The following MYBL2 variants were observed in gnomAD, a reference collection of about 807,000 sequenced individuals.
MYBL2 encodes the protein MYB proto-oncogene like 2.
MYBL2 carries 28 observed loss-of-function variants against 79.9 expected under a neutral mutation model. That is an observed-to-expected ratio of 0.35 (90% confidence interval 0.26 to 0.48). The LOEUF is 0.48. Among genes scored for constraint, MYBL2 ranks in the 20% least tolerant of loss-of-function variants. MYBL2 has a pLI of 0.99. For missense variants in MYBL2, 735 were observed against 893.9 expected, an observed-to-expected ratio of 0.82 and a Z score of 2.27; for synonymous variants, 378 against 361.2, an observed-to-expected ratio of 1.05 and a Z score of -0.53.
chr20:43,697,187 G>T lies in MYBL2; in HGVS notation c.664-2570G>T, dbSNP rs183295232. Among the ~76,000 whole-genome samples, 646 of 151,968 alleles carry T rather than the reference G, an allele frequency of 4.3e-3. 6 individuals carry two copies. Among genetic ancestry groups the T allele is most frequent in the South Asian group, 0.013 (65 of 4,826 alleles). On this transcript the variant is annotated intron_variant, in intron 6 of 13. Coordinates refer to ENST00000217026, the MANE Select transcript of MYBL2 (RefSeq NM_002466.4). ...AGCCTTATTGTCAATACCGGCTATGGTTATATGAAAAAAAATCTTTGCCAG... is the reference window on the plus strand; with the variant it reads ...AGCCTTATTGTCAATACCGGCTATGTTTATATGAAAAAAAATCTTTGCCAG...
rs1001251369 is a variant in MYBL2 at position 43,716,149 on chromosome 20, C to T, written c.*62C>T. 8.8e-6 allele frequency: 14 copies of T among 1,590,216 alleles called. No individual in the cohort carries two copies. Among genetic ancestry groups the T allele is most frequent in the Non-Finnish European group, 1.2e-5 (14 of 1,176,184 alleles). ...CAGGGGTTGTGGGGGCAGAGGGGGT[C>T]TGTGAATCTGAGAGTCATTCAGGTG... On this transcript the variant is annotated 3_prime_UTR_variant, in exon 14 of 14. Coordinates refer to ENST00000217026, the MANE Select transcript of MYBL2 (RefSeq NM_002466.4).
rs533148408 is a variant in MYBL2 at position 43,677,954 on chromosome 20, G to A, written c.115-3830G>A. On this transcript the variant is annotated intron_variant, in intron 2 of 13. Coordinates refer to ENST00000217026, the MANE Select transcript of MYBL2 (RefSeq NM_002466.4). Reference sequence around the variant, plus strand: ...CATGGGAGACTTTTCATTTTGTTCTGTACTAAGAAAAATTCTTCTGCCTTG... The same window carrying A: ...CATGGGAGACTTTTCATTTTGTTCTATACTAAGAAAAATTCTTCTGCCTTG... Among the ~76,000 whole-genome samples, 4 of 152,354 alleles carry A rather than the reference G, an allele frequency of 2.6e-5. No individual in the cohort carries two copies. In the South Asian group the frequency reaches 8.3e-4, roughly 32 times the overall value.
At position 43,711,554 on chromosome 20, in the gene MYBL2, A is replaced by C. The variant is rs1356453876; in HGVS notation, c.1672A>C (p.Ile558Leu). The C allele has an allele frequency of 2.5e-6, 4 of 1,613,754 alleles. No individual in the cohort carries two copies. Among genetic ancestry groups the C allele is most frequent in the Non-Finnish European group, 3.4e-6 (4 of 1,179,826 alleles). The stretch of plus-strand genomic sequence containing the variant: ...GCGTTCTGAGGCTGGCATCGAACTC[A>C]TCATCGAGGACGACATCAGGCCCGA... The part of the protein sequence containing the change: ...VLRSEAGIEL[I>L]IEDDIRPEKQ... The change falls in exon 11 of 14, where the codon ATC becomes CTC. Residue 558 changes from isoleucine to leucine, a missense_variant. By Grantham distance (5) the Ile-to-Leu change is conservative. This residue lies in a region of MYBL2 where 204 missense variants were observed against 202.9 expected (regional missense o/e 1.01). Coordinates refer to ENST00000217026, the MANE Select transcript of MYBL2 (RefSeq NM_002466.4).
At position 43,699,849 on chromosome 20, in the gene MYBL2, G is replaced by A. The variant is rs1987639550; in HGVS notation, c.756G>A (p.Lys252=). The A allele has an allele frequency of 4.3e-6, 7 of 1,614,030 alleles. No homozygotes were observed. The highest frequency in any genetic ancestry group is 1.6e-4 in the Middle Eastern group (1 of 6,082). The part of the protein sequence containing the change: ...EEELAAATTS[K]EQEPIGTDLD... Reference sequence around the variant, plus strand: ...AACTTGCAGCAGCCACCACATCGAAGGAACAGGAGCCCATCGGTACAGATC... The same window carrying A: ...AACTTGCAGCAGCCACCACATCGAAAGAACAGGAGCCCATCGGTACAGATC... Residue 252 remains lysine, a synonymous_variant, in exon 7 of 14, where the codon AAG becomes AAA. Transcript: ENST00000217026.
intron 6 of MYBL2, among the ~76,000 whole-genome samples, chr20:43,696,581 ATGT>A (rs1319888282): frequency 2.6e-5 from 4 of 152,414 alleles, no homozygotes; most frequent in South Asian, 2.1e-4. Flanking sequence ...ATATCGTTCC[ATGT>A]TGTTATGTGT....
rs1987907650 is a variant in MYBL2, at chr20:43,711,563, G to A, written c.1681G>A (p.Asp561Asn). Reference sequence around the variant, plus strand: ...GGCTGGCATCGAACTCATCATCGAGGACGACATCAGGCCCGAGAAGCAGAA... The same window carrying A: ...GGCTGGCATCGAACTCATCATCGAGAACGACATCAGGCCCGAGAAGCAGAA... ...SEAGIELIIE[D>N]DIRPEKQKRK... The change falls in exon 11 of 14, where the codon GAC becomes AAC. Residue 561 changes from aspartate to asparagine, a missense_variant. Physicochemically the swap from Asp to Asn is conservative, Grantham distance 23 (BLOSUM62 1). Transcript: ENST00000217026. The A allele has an allele frequency of 6.2e-7, 1 of 1,613,502 alleles. No homozygotes were observed. The highest frequency in any genetic ancestry group is 8.5e-7 in the Non-Finnish European group (1 of 1,179,854).
At chr20:43,697,670 G>A (rs1482094907) in intron 6 of MYBL2, among the ~76,000 whole-genome samples, 1 of 152,136 alleles carries the variant, frequency 6.6e-6, no homozygotes, top group Non-Finnish European at 1.5e-5. Flanking sequence ...TTGGGAGGCT[G>A]AGGCAGGCGG....
At chr20:43,679,048 G>A (rs1987084894) in intron 2 of MYBL2, among the ~76,000 whole-genome samples, 1 of 151,964 alleles carries the variant, frequency 6.6e-6, no homozygotes, top group Non-Finnish European at 1.5e-5. Flanking sequence ...GGAAATGATA[G>A]TATCCAGGTC....
chr20:43,711,638 G>GC, intron 11 of MYBL2, 37 bp downstream of exon 11: 4 of 1,569,548 alleles, frequency 2.5e-6, no homozygotes, highest in Non-Finnish European at 3.5e-6. Context: ...TGGGCAGGGG[G>GC]AATTGGAGCC....
At chr20:43,712,228 C>T (rs1484974552) in intron 11 of MYBL2, among the ~76,000 whole-genome samples, 1 of 152,170 alleles carries the variant, frequency 6.6e-6, no homozygotes, top group African/African-American at 2.4e-5. Context: ...AGTGCGCGAT[C>T]CCTTCGAGTC....
chr20:43,682,674 C>A, intron 3 of MYBL2, 120 bp from the exon 4 acceptor site: 2 of 851,750 alleles, frequency 2.3e-6, no homozygotes, highest in Non-Finnish European at 3.9e-6. Context: ...ACAGGACACA[C>A]CTACCCAAGG....
intron 1 of MYBL2, among the ~76,000 whole-genome samples, chr20:43,672,990 C>G (rs951277687): frequency 2.0e-5 from 3 of 152,132 alleles, no homozygotes; most frequent in African/African-American, 7.2e-5. Flanking sequence ...GTCACCCAGG[C>G]TGGAGTGCAG....
chr20:43,673,937 G>A, intron 2 of MYBL2, 38 bp downstream of exon 2: 4 of 1,521,050 alleles, frequency 2.6e-6, no homozygotes, highest in Non-Finnish European at 3.6e-6. Context: ...ATGGCAGCTG[G>A]GGGCTGTCCA....
intron 2 of MYBL2, among the ~76,000 whole-genome samples, chr20:43,678,331 G>GA (rs11470203): frequency 1.0e-4 from 15 of 142,978 alleles, no homozygotes; most frequent in East Asian, 8.1e-4. Flanking sequence ...AAGAAAGAAA[G>GA]AAAAAAAAAA....
chr20:43,700,231 G>A (rs1384693024), intron 7 of MYBL2, among the ~76,000 whole-genome samples, 187 bp downstream of exon 7: 1 of 152,156 alleles, frequency 6.6e-6, no homozygotes, highest in Admixed American at 6.5e-5. Flanking sequence ...CCTATCCTTG[G>A]GGAGCTCCCG....
At chr20:43,705,819 G>A (rs1987769178) in intron 9 of MYBL2, among the ~76,000 whole-genome samples, 1 of 151,958 alleles carries the variant, frequency 6.6e-6, no homozygotes. Context: ...TCCTGCCTCA[G>A]CCTCCCGAGT....
chr20:43,676,525 T>C (rs1987013352), intron 2 of MYBL2, among the ~76,000 whole-genome samples: 1 of 152,248 alleles, frequency 6.6e-6, no homozygotes, highest in Non-Finnish European at 1.5e-5. Flanking sequence ...TATCACTGGA[T>C]AGTAGTCCAT....
chr20:43,680,968 G>A (rs6130433), intron 2 of MYBL2, among the ~76,000 whole-genome samples: 1 of 152,126 alleles, frequency 6.6e-6, no homozygotes, highest in East Asian at 1.9e-4. Context: ...TCCACCACTG[G>A]CCTCAGACAA....
chr20:43,685,760 A>G (rs1297097868), intron 4 of MYBL2, among the ~76,000 whole-genome samples: 1 of 151,912 alleles, frequency 6.6e-6, no homozygotes, highest in East Asian at 2.0e-4. Flanking sequence ...GTCTCAAAAA[A>G]ATGGCGGTGG....
Sources: gnomAD v4.1 joint callset for allele counts (sites outside exome capture counted in the v4.1 genomes callset) on GRCh38, gnomAD v4.1.1 for gene constraint, gnomAD v4.1.1 regional missense constraint, MANE v1.5 for transcripts, NCBI Gene and HGNC (gene_info 2026-07-23, HGNC 2026-07-21) for gene names.